Variants in MARCHF11 observed in about 807,000 individuals in gnomAD.
MARCHF11 encodes E3 ubiquitin-protein ligase MARCHF11.
MARCHF11 carries 29 observed loss-of-function variants against 37.3 expected under a neutral mutation model. That is an observed-to-expected ratio of 0.78 (90% CI 0.58 to 1.06). The LOEUF is 1.06. MARCHF11 is among the 50% of genes least tolerant of loss of function. The pLI is 0.00. For synonymous variants in MARCHF11, 233 were observed against 228.0 expected (o/e 1.02, Z -0.20); for missense variants, 482 against 533.4 (o/e 0.90, Z 0.95).
intron 2 of MARCHF11, among the ~76,000 whole-genome samples, chr5:16,149,793 A>G (rs2591982): frequency 0.49 from 74,834 of 151,980 alleles, 19,247 homozygotes; most frequent in Middle Eastern, 0.61. Context: ...AGACAGCTGC[A>G]TAGCTGACCA....
chr5:16,090,859 G>A, intron 3 of MARCHF11, 30 bp downstream of exon 3: 1 of 1,422,308 alleles, frequency 7.0e-7, no homozygotes, highest in African/African-American at 1.5e-5. Context: ...ATTACTGACA[G>A]TGTGTTAACG....
intron 2 of MARCHF11, among the ~76,000 whole-genome samples, chr5:16,131,610 C>G (rs556084780): frequency 6.6e-6 from 1 of 152,286 alleles, no homozygotes; most frequent in African/African-American, 2.4e-5. Flanking sequence ...ACCTGTCTTT[C>G]AATGACCAAC....
rs372516577 is a variant in MARCHF11 at position 16,140,612 on chromosome 5, G to T, written c.693+37114C>A. Among the ~76,000 whole-genome samples the T allele has an allele frequency of 1.1e-4, 17 of 152,128 alleles. 1 individual carries two copies. The South Asian group carries it at 3.5e-3, about 32-fold the overall frequency. ...TGGTTTTGAACCTTTCTATGAAATC[G>T]ACATAACCTCTACACCAACCCCCTA... is the stretch of plus-strand genomic sequence containing the variant. On this transcript the variant is annotated intron_variant, in intron 2 of 3. Transcript: ENST00000332432.
At chr5:16,101,238 G>T (rs541776224) in intron 2 of MARCHF11, among the ~76,000 whole-genome samples, 9 of 152,244 alleles carry the variant, frequency 5.9e-5, no homozygotes, top group Non-Finnish European at 1.3e-4. Flanking sequence ...AAATAAAAAT[G>T]CATTTTAGGC....
At chr5:16,112,010 G>T (rs2126570832) in intron 2 of MARCHF11, among the ~76,000 whole-genome samples, 1 of 152,298 alleles carries the variant, frequency 6.6e-6, no homozygotes, top group South Asian at 2.1e-4. Flanking sequence ...TTGAGGTTTG[G>T]GAACCTCCAC....
At chr5:16,099,869 C>T (rs747287476) in intron 2 of MARCHF11, among the ~76,000 whole-genome samples, 32 of 152,084 alleles carry the variant, frequency 2.1e-4, no homozygotes, top group Non-Finnish European at 3.2e-4. Context: ...AATCATGCCA[C>T]GAACAGAAAA....
intron 3 of MARCHF11, among the ~76,000 whole-genome samples, chr5:16,073,191 A>T (rs1736465953): frequency 6.6e-6 from 1 of 152,172 alleles, no homozygotes. Context: ...CATCTAATAA[A>T]CTGGTGCCAC....
At chr5:16,148,750 G>C (rs1339189813) in intron 2 of MARCHF11, among the ~76,000 whole-genome samples, 1 of 152,042 alleles carries the variant, frequency 6.6e-6, no homozygotes, top group African/African-American at 2.4e-5. Flanking sequence ...AGAAATTCTA[G>C]CTTAGCTATT....
rs542700832 is a variant in MARCHF11, at chr5:16,179,234, T to C, written c.342A>G (p.Ala114=). 7,806 of 1,344,700 alleles carry C rather than the reference T, an allele frequency of 5.8e-3. 29 individuals carry two copies. The highest frequency in any genetic ancestry group is 6.9e-3 in the Non-Finnish European group (7,216 of 1,048,714). The allele number at this position is 1,344,700 out of a possible 1,614,324, so 83.3% of individuals were successfully genotyped here. A position where few individuals can be genotyped will look rare whatever the true frequency, so the allele number is the denominator to read the frequency against. Residue 114 remains alanine (A), a synonymous_variant, in exon 1 of 4, where the codon GCA becomes GCG. Coordinates refer to ENST00000332432, the MANE Select transcript of MARCHF11 (RefSeq NM_001102562.3). ...EGPRRLPEAA[A]AKGGPGESEA... ...CAGACTCCCCGGGGCCGCCTTTCGC[T>C]GCTGCCGCCTCCGGGAGGCGCCTCG...
rs545290514 is a variant in MARCHF11 at position 16,166,727 on chromosome 5, AAT to A, written c.693+10997_693+10998del. 1.5e-3 allele frequency among the ~76,000 whole-genome samples: 225 copies of A among 152,218 alleles called. 1 individual carries two copies. The highest frequency in any genetic ancestry group is 2.3e-3 in the Non-Finnish European group (158 of 67,984). ...ATTACAAATGTATCATCAATATAGA[AAT>A]AGTTACAAATGTATAGTTTATATAA... On this transcript the variant is annotated intron_variant, in intron 2 of 3. Transcript: ENST00000332432.
intron 2 of MARCHF11, among the ~76,000 whole-genome samples, chr5:16,111,314 T>A (rs928346151): frequency 2.6e-5 from 4 of 152,186 alleles, no homozygotes; most frequent in African/African-American, 7.2e-5. Context: ...GTTGAATGGC[T>A]TTGACTAAAA....
chr5:16,113,537 CA>C (rs769894447), intron 2 of MARCHF11, among the ~76,000 whole-genome samples: 36 of 152,104 alleles, frequency 2.4e-4, no homozygotes, highest in African/African-American at 4.8e-5. Context: ...GCAAAAACCA[CA>C]ATGACTTTTG....
intron 3 of MARCHF11, among the ~76,000 whole-genome samples, chr5:16,070,330 T>C (rs1290433600): frequency 6.6e-6 from 1 of 152,202 alleles, no homozygotes; most frequent in Admixed American, 6.5e-5. Context: ...AAATTGGAAT[T>C]CATCAACTAT....
intron 3 of MARCHF11, among the ~76,000 whole-genome samples, chr5:16,089,251 T>C (rs1232110984): frequency 6.6e-6 from 1 of 152,118 alleles, no homozygotes. Context: ...TTAATATCAA[T>C]GGAACACCTC....
intron 2 of MARCHF11, among the ~76,000 whole-genome samples, chr5:16,122,698 G>A (rs1217042444): frequency 2.0e-5 from 3 of 152,006 alleles, no homozygotes; most frequent in East Asian, 1.9e-4. Context: ...CCTCAGCCTC[G>A]CCACCCACTC....
intron 3 of MARCHF11, among the ~76,000 whole-genome samples, chr5:16,070,642 T>G (rs140887671): frequency 6.6e-6 from 1 of 152,222 alleles, no homozygotes; most frequent in Admixed American, 6.5e-5. Flanking sequence ...ATATTCCTGG[T>G]AGCTCTTTTC....
intron 2 of MARCHF11, among the ~76,000 whole-genome samples, chr5:16,152,128 C>A (rs1011791850): frequency 2.0e-5 from 3 of 151,888 alleles, no homozygotes; most frequent in African/African-American, 7.3e-5. Context: ...TATTTTATTT[C>A]TATTTTACTC....
At chr5:16,084,751 G>A (rs553396021) in intron 3 of MARCHF11, among the ~76,000 whole-genome samples, 2 of 125,176 alleles carry the variant, frequency 1.6e-5, no homozygotes, top group South Asian at 6.1e-4. Context: ...TCTGTAGAAG[G>A]AGCAGTTTTT....
chr5:16,069,468 T>G (rs1050304322), intron 3 of MARCHF11, among the ~76,000 whole-genome samples: 5 of 152,196 alleles, frequency 3.3e-5, no homozygotes, highest in African/African-American at 1.2e-4. Context: ...ATGCTCAACA[T>G]ATTATTCTGT....
Sources: allele counts gnomAD v4.1 joint callset (sites outside exome capture counted in the v4.1 genomes callset), GRCh38; gene constraint gnomAD v4.1.1; transcripts MANE v1.5; gene names NCBI Gene and HGNC (gene_info 2026-07-23, HGNC 2026-07-21).